ARL15: variants seen among roughly 807,000 people sequenced by gnomAD.
ARL15 encodes ADP-ribosylation factor-like protein 15.
A neutral mutation model predicts 25.2 loss-of-function variants in ARL15; 19 were observed. That is an observed-to-expected ratio of 0.75 (90% CI 0.53 to 1.10). The LOEUF is 1.10. Ranked by LOEUF, ARL15 falls within the 50% of genes least tolerant of loss-of-function variation. The pLI, the probability that ARL15 is intolerant of heterozygous loss-of-function variation, is 0.00. For missense variants in ARL15, 220 were observed against 246.0 expected (o/e 0.89, Z 0.71); for synonymous variants, 94 against 86.8 (o/e 1.08, Z -0.46).
At chr5:54,244,262 G>A (rs1757028325) in intron 1 of ARL15, among the ~76,000 whole-genome samples, 1 of 152,188 alleles carries the variant, frequency 6.6e-6, no homozygotes, top group South Asian at 2.1e-4. Flanking sequence ...AAATGAGTGT[G>A]TAAAAATAAC....
chr5:53,974,857 A>G (rs1747877651), intron 4 of ARL15, among the ~76,000 whole-genome samples: 1 of 152,190 alleles, frequency 6.6e-6, no homozygotes, highest in Non-Finnish European at 1.5e-5. Context: ...GACCTAGGAG[A>G]GAAAACTGAT....
intron 1 of ARL15, among the ~76,000 whole-genome samples, chr5:54,173,922 TC>T (rs1384357675): frequency 9.2e-5 from 14 of 151,884 alleles, no homozygotes; most frequent in African/African-American, 3.4e-4. Context: ...TGTTCCTTCT[TC>T]CCCCAATTCT....
At chr5:54,298,820 T>G (rs147489933) in intron 1 of ARL15, among the ~76,000 whole-genome samples, 30 of 152,038 alleles carry the variant, frequency 2.0e-4, no homozygotes, top group Non-Finnish European at 4.0e-4. Context: ...GACATCACAC[T>G]CTCCAGGTTT....
intron 1 of ARL15, among the ~76,000 whole-genome samples, chr5:54,273,462 C>G (rs1757844077): frequency 6.6e-6 from 1 of 152,130 alleles, no homozygotes; most frequent in East Asian, 1.9e-4. Context: ...AATAACTGGC[C>G]TGGCCTCTTC....
intron 4 of ARL15, among the ~76,000 whole-genome samples, chr5:53,983,061 G>A (rs1242870642): frequency 4.0e-5 from 6 of 151,840 alleles, no homozygotes; most frequent in African/African-American, 7.3e-5. Context: ...TGCACCCAGC[G>A]GTTTTTTCTT....
intron 1 of ARL15, among the ~76,000 whole-genome samples, chr5:54,213,728 T>A (rs1351077373): frequency 6.6e-6 from 1 of 152,110 alleles, no homozygotes; most frequent in South Asian, 2.1e-4. Flanking sequence ...AAATCTTCAA[T>A]AAATGGGTCA....
In ARL15 at chr5:54,303,680, AGAGGAGAGGAAAAAAAGAAGAAAGAG is replaced by A. The variant is rs1269279317; in HGVS notation, c.48+6726_48+6751del. On this transcript the variant is annotated intron_variant, in intron 1 of 4. Transcript: ENST00000504924. ...CAAAAAAAAAAAAAAAAGAAGAAGA[AGAGGAGAGGAAAAAAAGAAGAAAGAG>A]GAGGAGAGGAAAAAAAGAAGAAAAA... 6.7e-3 allele frequency among the ~76,000 whole-genome samples: 985 copies of A among 146,960 alleles called. 4 individuals carry two copies. Among genetic ancestry groups the A allele is most frequent in the African/African-American group, 0.014 (550 of 39,872 alleles).
chr5:54,184,667 C>A (rs1755186720), intron 1 of ARL15, among the ~76,000 whole-genome samples: 1 of 150,688 alleles, frequency 6.6e-6, no homozygotes, highest in South Asian at 2.1e-4. Flanking sequence ...TTCTTGTAGT[C>A]CCTAAAAGTG....
At chr5:54,290,958 A>G (rs1758305564) in intron 1 of ARL15, among the ~76,000 whole-genome samples, 1 of 152,214 alleles carries the variant, frequency 6.6e-6, no homozygotes, top group South Asian at 2.1e-4. Flanking sequence ...AAATATTCAA[A>G]TGGCCAACCC....
At chr5:54,114,811 G>A (rs1055933840) in intron 3 of ARL15, among the ~76,000 whole-genome samples, 1 of 151,944 alleles carries the variant, frequency 6.6e-6, no homozygotes, top group Non-Finnish European at 1.5e-5. Context: ...CAATATGTGT[G>A]CATGTGTAGG....
chr5:53,953,653 CA>C (rs2112125100), intron 4 of ARL15, among the ~76,000 whole-genome samples: 1 of 152,144 alleles, frequency 6.6e-6, no homozygotes, highest in African/African-American at 2.4e-5. Flanking sequence ...TGGGTAGAGG[CA>C]GGGGCAGGTG....
At chr5:54,012,147 A>G (rs536289605) in intron 4 of ARL15, among the ~76,000 whole-genome samples, 1 of 152,384 alleles carries the variant, frequency 6.6e-6, no homozygotes, top group African/African-American at 2.4e-5. Flanking sequence ...ATGTGTTCTT[A>G]AAATGGCATG....
At chr5:54,186,650 T>C (rs1755249370) in intron 1 of ARL15, among the ~76,000 whole-genome samples, 4 of 152,214 alleles carry the variant, frequency 2.6e-5, no homozygotes, top group Admixed American at 2.6e-4. Context: ...ATGTAGCATG[T>C]GGACTTAATT....
chr5:53,978,890 T>C (rs1159004352), intron 4 of ARL15, among the ~76,000 whole-genome samples: 1 of 152,158 alleles, frequency 6.6e-6, no homozygotes, highest in Non-Finnish European at 1.5e-5. Context: ...ATACAATATA[T>C]TGAAAATCTC....
intron 1 of ARL15, among the ~76,000 whole-genome samples, chr5:54,270,476 C>A (rs1438402276): frequency 6.6e-6 from 1 of 152,222 alleles, no homozygotes; most frequent in East Asian, 1.9e-4. Flanking sequence ...AGAATGCCCA[C>A]GTATCCCCAG....
intron 1 of ARL15, among the ~76,000 whole-genome samples, chr5:54,275,778 C>G (rs373327475): frequency 6.6e-6 from 1 of 151,644 alleles, no homozygotes; most frequent in Non-Finnish European, 1.5e-5. Flanking sequence ...TCTGCCTCCC[C>G]GGTTCACGCT....
At chr5:54,256,309 GAAGT>G (rs1489476313) in intron 1 of ARL15, among the ~76,000 whole-genome samples, 1 of 149,670 alleles carries the variant, frequency 6.7e-6, no homozygotes, top group East Asian at 2.0e-4. Flanking sequence ...AGAAAATTTA[GAAGT>G]AATGGATAGA....
intron 4 of ARL15, among the ~76,000 whole-genome samples, chr5:53,991,977 C>T (rs535730036): frequency 2.6e-5 from 4 of 152,268 alleles, no homozygotes; most frequent in Admixed American, 1.3e-4. Context: ...CTAAAGTATG[C>T]GTACACCTTT....
chr5:54,012,840 A>G (rs1408085795), intron 4 of ARL15, among the ~76,000 whole-genome samples: 2 of 120,510 alleles, frequency 1.7e-5, no homozygotes, highest in African/African-American at 6.5e-5. Flanking sequence ...TTTTTTTTAG[A>G]TGGAGTCTCG....
Sources: gnomAD v4.1 joint callset for allele counts (sites outside exome capture counted in the v4.1 genomes callset) on GRCh38, gnomAD v4.1.1 for gene constraint, MANE v1.5 for transcripts, NCBI Gene and HGNC (gene_info 2026-07-23, HGNC 2026-07-21) for gene names.